Variants in PDZRN4 observed in about 807,000 individuals in gnomAD.
PDZRN4 encodes PDZ domain-containing RING finger protein 4.
Under a neutral mutation model 99.0 loss-of-function variants are expected in PDZRN4, and 70 were observed. The observed-to-expected ratio is 0.71, with a 90% CI of 0.58 to 0.86. PDZRN4 has a LOEUF of 0.86. Among genes scored for constraint, PDZRN4 ranks in the 40% least tolerant of loss-of-function variants. PDZRN4 has a pLI of 0.00. For synonymous variants in PDZRN4, 551 were observed against 501.6 expected, an observed-to-expected ratio of 1.10 and a Z score of -1.32; for missense variants, 1,474 against 1,331.2, an observed-to-expected ratio of 1.11 and a Z score of -1.67.
intron 3 of PDZRN4, among the ~76,000 whole-genome samples, chr12:41,298,403 CTT>C (rs1303445513): frequency 1.3e-5 from 2 of 152,260 alleles, no homozygotes; most frequent in Middle Eastern, 3.4e-3. Context: ...AATCTGAAGA[CTT>C]AACGATACCA....
At chr12:41,486,163 G>T (rs960439162) in intron 3 of PDZRN4, among the ~76,000 whole-genome samples, 12 of 152,054 alleles carry the variant, frequency 7.9e-5, no homozygotes, top group African/African-American at 2.9e-4. Flanking sequence ...ATGACCACTG[G>T]ACAGAGAAAT....
At chr12:41,300,210 A>C (rs1951525304) in intron 3 of PDZRN4, among the ~76,000 whole-genome samples, 1 of 151,926 alleles carries the variant, frequency 6.6e-6, no homozygotes, top group Non-Finnish European at 1.5e-5. Flanking sequence ...TACTCTTTTA[A>C]TATACATTTA....
At chr12:41,569,716 A>C (rs372806543) in intron 9 of PDZRN4, among the ~76,000 whole-genome samples, 131 of 152,290 alleles carry the variant, frequency 8.6e-4, no homozygotes, top group African/African-American at 3.1e-3. Context: ...GTGTGTGCAC[A>C]TGTCCACATA....
chr12:41,506,472 T>G lies in PDZRN4; in HGVS notation c.860T>G (p.Leu287Arg), dbSNP rs1192980341. 6.2e-7 allele frequency: 1 copy of G among 1,612,356 alleles called. No individual in the cohort carries two copies. Among genetic ancestry groups the G allele is most frequent in the African/African-American group, 1.3e-5 (1 of 74,890 alleles). The change falls in exon 4 of 10, where the codon CTT (leucine) becomes CGT (arginine). Residue 287 changes from leucine to arginine, a missense_variant. Physicochemically the swap from Leu to Arg is moderately radical, Grantham distance 102. Transcript: ENST00000402685. ...TGTTTGTAGGTCAATGGGAAGGATC[T>G]TTCAAAGGCCACTCATGAAGAGGCA... ...DKIMEVNGKD[L>R]SKATHEEAVE...
chr12:41,530,329 G>A (rs550454754), intron 5 of PDZRN4, among the ~76,000 whole-genome samples: 3 of 152,198 alleles, frequency 2.0e-5, no homozygotes, highest in Non-Finnish European at 4.4e-5. Context: ...TAAATAATGT[G>A]TTATTTAACT....
chr12:41,194,437 C>T (rs1950758781), intron 3 of PDZRN4, among the ~76,000 whole-genome samples: 1 of 152,106 alleles, frequency 6.6e-6, no homozygotes, highest in Admixed American at 6.6e-5. Flanking sequence ...GAGTTCGAGA[C>T]CTGACTGGGC....
chr12:41,569,117 C>T (rs969279126), intron 9 of PDZRN4, among the ~76,000 whole-genome samples: 5 of 146,462 alleles, frequency 3.4e-5, no homozygotes, highest in African/African-American at 7.6e-5. Flanking sequence ...TTATTATTAT[C>T]ATTATTATTA....
intron 5 of PDZRN4, among the ~76,000 whole-genome samples, chr12:41,544,761 T>TA (rs1376067217): frequency 2.6e-5 from 4 of 152,324 alleles, no homozygotes; most frequent in African/African-American, 9.6e-5. Context: ...GAAAGAGTGA[T>TA]AGACAGTGGT....
intron 3 of PDZRN4, among the ~76,000 whole-genome samples, chr12:41,406,538 A>T (rs1952351488): frequency 6.6e-6 from 1 of 152,106 alleles, no homozygotes; most frequent in Admixed American, 6.5e-5. Flanking sequence ...TTGAATGTGA[A>T]CCCCAAATTG....
intron 2 of PDZRN4, among the ~76,000 whole-genome samples, chr12:41,193,774 T>C (rs1950752005): frequency 6.6e-6 from 1 of 152,224 alleles, no homozygotes; most frequent in South Asian, 2.1e-4. Flanking sequence ...GTGAGATGTT[T>C]TATAAATAAT....
At chr12:41,435,895 T>G (rs2120452465) in intron 3 of PDZRN4, among the ~76,000 whole-genome samples, 1 of 152,342 alleles carries the variant, frequency 6.6e-6, no homozygotes, top group South Asian at 2.1e-4. Flanking sequence ...AGTCAATGTT[T>G]GCTTTGAGGA....
At chr12:41,551,015 A>G (rs779972847) in intron 5 of PDZRN4, among the ~76,000 whole-genome samples, 4 of 152,200 alleles carry the variant, frequency 2.6e-5, no homozygotes, top group Non-Finnish European at 5.9e-5. Context: ...ATTTTAGACA[A>G]TTAAATGAAT....
chr12:41,557,620 C>G lies in PDZRN4; in HGVS notation c.1365+1860C>G, dbSNP rs377436018. Among the ~76,000 whole-genome samples the G allele has an allele frequency of 1.3e-4, 20 of 152,206 alleles. No individual in the cohort carries two copies. The East Asian group carries it at 3.7e-3, about 28-fold the overall frequency. On this transcript the variant is annotated intron_variant, in intron 7 of 9. Coordinates refer to ENST00000402685, the MANE Select transcript of PDZRN4 (RefSeq NM_001164595.2). The stretch of plus-strand genomic sequence containing the variant: ...GTTCTCTCCCTTGTTCAGGACAACA[C>G]TCATGGAATCACACCATCTCCTCAC...
chr12:41,328,068 G>A (rs960520218), intron 3 of PDZRN4, among the ~76,000 whole-genome samples: 7 of 151,970 alleles, frequency 4.6e-5, no homozygotes, highest in African/African-American at 1.7e-4. Context: ...TATTTAATGG[G>A]GCTCAGAAGA....
chr12:41,322,135 T>G (rs1976937), intron 3 of PDZRN4, among the ~76,000 whole-genome samples: 101,700 of 151,890 alleles, frequency 0.67, 37,268 homozygotes, highest in Middle Eastern at 0.82. Flanking sequence ...GGGTTCAAGC[T>G]ATCCTCCTAC....
At chr12:41,504,754 C>T (rs769356130) in intron 3 of PDZRN4, among the ~76,000 whole-genome samples, 3 of 151,958 alleles carry the variant, frequency 2.0e-5, no homozygotes, top group Non-Finnish European at 2.9e-5. Flanking sequence ...CAAGGTGTAT[C>T]AATGAAAACT....
At chr12:41,557,765 C>T (rs1354137542) in intron 7 of PDZRN4, among the ~76,000 whole-genome samples, 1 of 152,062 alleles carries the variant, frequency 6.6e-6, no homozygotes, top group African/African-American at 2.4e-5. Context: ...CGTTTGGGGT[C>T]CCACTAGTTT....
intron 3 of PDZRN4, among the ~76,000 whole-genome samples, chr12:41,438,827 G>A (rs1952653754): frequency 6.6e-6 from 1 of 152,200 alleles, no homozygotes; most frequent in Non-Finnish European, 1.5e-5. Flanking sequence ...GTATGCTCAA[G>A]TTCGAATTTC....
At chr12:41,296,190 A>G (rs1029428795) in intron 3 of PDZRN4, among the ~76,000 whole-genome samples, 4 of 152,162 alleles carry the variant, frequency 2.6e-5, no homozygotes, top group African/African-American at 9.7e-5. Flanking sequence ...TTTCAACAGA[A>G]ATTTTAAACA....
Sources: gnomAD v4.1 joint callset for allele counts (sites outside exome capture counted in the v4.1 genomes callset) on GRCh38, gnomAD v4.1.1 for gene constraint, MANE v1.5 for transcripts, NCBI Gene and HGNC (gene_info 2026-07-23, HGNC 2026-07-21) for gene names.